The following FLOT1 variants were observed in gnomAD, a reference collection of about 807,000 sequenced individuals.
The protein encoded by FLOT1 is flotillin-1.
In FLOT1, 40 loss-of-function variants were observed where a neutral mutation model predicts 58.4. That is an observed-to-expected ratio of 0.69 (90% CI 0.53 to 0.89). FLOT1 has a LOEUF of 0.89. Ranked by LOEUF, FLOT1 falls within the 40% of genes least tolerant of loss-of-function variation. The probability of loss-of-function intolerance (pLI) is 0.00; values close to 1 mark genes in which losing one functional copy is unlikely to be tolerated. For missense variants in FLOT1, 423 were observed against 540.8 expected (o/e 0.78, Z 2.16); for synonymous variants, 178 against 204.2 (o/e 0.87, Z 1.09).
In FLOT1 at chr6:30,741,576, G is replaced by A. The variant is rs757383948; in HGVS notation, c.210+38C>T. 6.8e-7 allele frequency: 1 copy of A among 1,470,842 alleles called. No homozygotes were observed. The highest frequency in any genetic ancestry group is 9.5e-7 in the Non-Finnish European group (1 of 1,051,016). 91.1% of individuals were successfully genotyped at this position (1,470,842 alleles called of 1,614,324 possible). A position where few individuals can be genotyped will look rare whatever the true frequency, so the allele number is the denominator to read the frequency against. On this transcript the variant is annotated intron_variant, in intron 4 of 12. Transcript: ENST00000376389. The surrounding 1 kb of genome is among the most constrained non-coding windows in gnomAD (Gnocchi z 5.9). ...TAATGTCTGGGAGAGAGGGTGATGG[G>A]GAAGTGGACTGTGGGGAAAAGGCTC...
chr6:30,728,145 C>A lies in FLOT1; in HGVS notation c.1255G>T (p.Val419Leu), dbSNP rs767460998. The change falls in exon 13 of 13, where the codon GTG becomes TTG. Residue 419 changes from valine (V) to leucine (L), a missense_variant and splice_region_variant. Physicochemically the swap from Val to Leu is conservative, Grantham distance 32. This residue lies in a region of FLOT1 where 44 missense variants were observed against 40.3 expected (regional missense o/e 1.09). Coordinates refer to ENST00000376389, the MANE Select transcript of FLOT1 (RefSeq NM_005803.4). ...ERLTGVSISQ[V>L]NHKPLRTA ...GCTGTTCTCAAAGGCTTGTGATTCA[C>A]CTGGCAAAAAGACAACAGTAGATGA... The A allele has an allele frequency of 7.3e-5, 117 of 1,612,796 alleles. No individual in the cohort carries two copies. The highest frequency in any genetic ancestry group is 9.6e-5 in the Non-Finnish European group (113 of 1,179,944).
At chr6:30,739,868 C>T (rs1777841433) in intron 8 of FLOT1, among the ~76,000 whole-genome samples, 1 of 149,968 alleles carries the variant, frequency 6.7e-6, no homozygotes, top group Admixed American at 6.7e-5. Context: ...CACCATGTTG[C>T]CCAGGCTGGC....
chr6:30,728,197 G>A, intron 12 of FLOT1, 52 bp from the exon 13 acceptor site: 1 of 1,543,762 alleles, frequency 6.5e-7, no homozygotes, highest in Non-Finnish European at 8.9e-7. Flanking sequence ...GGAGGCTGAG[G>A]CCCCTACTCT....
chr6:30,731,479 C>G (rs1362493062), intron 8 of FLOT1, among the ~76,000 whole-genome samples: 2 of 118,758 alleles, frequency 1.7e-5, no homozygotes, highest in Non-Finnish European at 3.3e-5. Context: ...AGTAAGACTC[C>G]ATCTCCAAAA....
rs1331584435 is a variant in FLOT1 at position 30,730,486 on chromosome 6, G to A, written c.1031C>T (p.Ala344Val). ...EAEQMAKKAE[A>V]FQLYQEAAQL... Reference sequence around the variant, plus strand: ...AGCAGCCTCTTGGTACAGCTGGAAGGCTTCTGCCTTCTTGGCCATCTGCTC... The same window carrying A: ...AGCAGCCTCTTGGTACAGCTGGAAGACTTCTGCCTTCTTGGCCATCTGCTC... The change falls in exon 11 of 13, where the codon GCC (alanine) becomes GTC (valine). Residue 344 changes from alanine (A) to valine (V), a missense_variant. Transcript: ENST00000376389. 1 of 1,609,148 alleles carries A rather than the reference G, an allele frequency of 6.2e-7. No individual in the cohort carries two copies. Among genetic ancestry groups the A allele is most frequent in the Non-Finnish European group, 8.5e-7 (1 of 1,176,428 alleles).
Position 30,737,258 on chromosome 6 carries a change from A to ATCCGTCCG in FLOT1, c.723+2899_723+2900insCGGACGGA, listed in dbSNP as rs1350145066. Among the ~76,000 whole-genome samples, 6 of 151,186 alleles carry ATCCGTCCG rather than the reference A, an allele frequency of 4.0e-5. No homozygotes were observed. The East Asian group carries it at 1.2e-3, about 30-fold the overall frequency. ...CGTCCGTCCGTCCGTCCATCCGTCC[A>ATCCGTCCG]TCCATCCATCCATATATCTATCTTA... On this transcript the variant is annotated intron_variant, in intron 8 of 12. Coordinates refer to ENST00000376389, the MANE Select transcript of FLOT1 (RefSeq NM_005803.4). This position sits in a 1 kb window ranked among gnomAD's most constrained non-coding sequence, Gnocchi z 4.4.
In FLOT1 at chr6:30,736,892, C is replaced by G. The variant is rs567459964; in HGVS notation, c.723+3266G>C. Among the ~76,000 whole-genome samples the G allele has an allele frequency of 4.5e-3, 690 of 151,946 alleles. 3 individuals carry two copies. The highest frequency in any genetic ancestry group is 0.015 in the African/African-American group (641 of 41,464). ...ACAGGTGTGAACCACCGCACCCGGC[C>G]TTGCTTCCTCTCTTTGCCCGTTCTC... is the stretch of plus-strand genomic sequence containing the variant. On this transcript the variant is annotated intron_variant, in intron 8 of 12. Coordinates refer to ENST00000376389, the MANE Select transcript of FLOT1 (RefSeq NM_005803.4).
chr6:30,740,404 A>G, intron 7 of FLOT1, 92 bp downstream of exon 7: 1 of 1,590,064 alleles, frequency 6.3e-7, no homozygotes. Context: ...TTTCTGCCTC[A>G]TGTATTTTCC....
At chr6:30,740,367 G>A in intron 7 of FLOT1, 57 bp from the exon 8 acceptor site, 1 of 1,601,654 alleles carries the variant, frequency 6.2e-7, no homozygotes, top group Non-Finnish European at 8.5e-7. Context: ...AGGCCACGGT[G>A]ACAGCCTGCT....
Position 30,730,722 on chromosome 6 carries a change from T to C in FLOT1, c.911A>G (p.Gln304Arg), listed in dbSNP as rs1244431100. 1.2e-6 allele frequency: 2 copies of C among 1,613,112 alleles called. No homozygotes were observed. Among genetic ancestry groups the C allele is most frequent in the Non-Finnish European group, 8.5e-7 (1 of 1,180,042 alleles). Residue 304 changes from glutamine to arginine, a missense_variant, in exon 10 of 13, where the codon CAA becomes CGA. Physicochemically the swap from Gln to Arg is conservative, Grantham distance 43 (BLOSUM62 1). Coordinates refer to ENST00000376389, the MANE Select transcript of FLOT1 (RefSeq NM_005803.4). ...TTCTGCCTCCGCCTGCATAATTAGT[T>C]GGGACCTGTGGACAGAAGGGAAGTG... ...LERLAEAEKS[Q>R]LIMQAEAEAA... is the part of the protein sequence containing the mutation.
At position 30,741,792 on chromosome 6, in the gene FLOT1, C is replaced by G. The variant is rs1161296726; in HGVS notation, c.119G>C (p.Arg40Thr). The change falls in exon 3 of 13, where the codon AGG (arginine) becomes ACG (threonine). Residue 40 changes from arginine to threonine, a missense_variant and splice_region_variant. Transcript: ENST00000376389. The surrounding 1 kb of genome is among the most constrained non-coding windows in gnomAD (Gnocchi z 5.9). ...CTTCCCTGGTTCCCTTCTTGCCTACCTCTGGATCTGTTGGATGCAGGGCAG... is the reference window on the plus strand; with the variant it reads ...CTTCCCTGGTTCCCTTCTTGCCTACGTCTGGATCTGTTGGATGCAGGGCAG... ...FVLPCIQQIQRISLNTLTLNV... is the reference protein window; with the variant it reads ...FVLPCIQQIQTISLNTLTLNV... The G allele has an allele frequency of 6.2e-7, 1 of 1,612,948 alleles. No homozygotes were observed. The highest frequency in any genetic ancestry group is 8.5e-7 in the Non-Finnish European group (1 of 1,180,014).
intron 8 of FLOT1, among the ~76,000 whole-genome samples, chr6:30,733,752 A>AG (rs1218953251): frequency 8.0e-6 from 1 of 124,732 alleles, no homozygotes; most frequent in East Asian, 2.5e-4. Context: ...AAAAAAAAAA[A>AG]AAAGAAAAGA....
rs1777969347 is a variant in FLOT1 at position 30,741,413 on chromosome 6, C to T, written c.211-80G>A. 4.5e-6 allele frequency: 7 copies of T among 1,557,526 alleles called. No individual in the cohort carries two copies. The highest frequency in any genetic ancestry group is 1.4e-5 in the African/African-American group (1 of 73,494). On this transcript the variant is annotated intron_variant, in intron 4 of 12. Transcript: ENST00000376389. This position sits in a 1 kb window ranked among gnomAD's most constrained non-coding sequence, Gnocchi z 5.9. ...AAAAAGCAGAGAGAGAAGGGAGAGC[C>T]CTCTAAGAAATGCTTCTTCCATTTC...
chr6:30,729,910 A>C, intron 12 of FLOT1, 112 bp downstream of exon 12: 1 of 928,454 alleles, frequency 1.1e-6, no homozygotes, highest in Admixed American at 2.1e-5. Context: ...ACAGAAAGTG[A>C]TTAATAAACA....
At position 30,740,594 on chromosome 6, in the gene FLOT1, G is replaced by A; in HGVS notation, c.475-3C>T. 6.2e-7 allele frequency: 1 copy of A among 1,613,002 alleles called. No homozygotes were observed. Among genetic ancestry groups the A allele is most frequent in the Non-Finnish European group, 8.5e-7 (1 of 1,179,988 alleles). ...TTCCCCAAAGAGTGCAAATAGTCCT[G>A]TGGGAGAGATGTAGAAATTAGTCCT... On this transcript the variant is annotated splice_polypyrimidine_tract_variant and splice_region_variant and intron_variant, in intron 6 of 12. Coordinates refer to ENST00000376389, the MANE Select transcript of FLOT1 (RefSeq NM_005803.4).
chr6:30,730,501 G>A lies in FLOT1; in HGVS notation c.1016C>T (p.Ala339Val), dbSNP rs1344855033. The A allele has an allele frequency of 1.2e-6, 2 of 1,610,318 alleles. No homozygotes were observed. Among genetic ancestry groups the A allele is most frequent in the East Asian group, 2.2e-5 (1 of 44,816 alleles). ...CAGCTGGAAGGCTTCTGCCTTCTTG[G>A]CCATCTGCTCAGCCTCGGCTCGGGC... is the stretch of plus-strand genomic sequence containing the variant. ...ARARAEAEQMAKKAEAFQLYQ... is the reference protein window; with the variant it reads ...ARARAEAEQMVKKAEAFQLYQ... Residue 339 changes from alanine to valine, a missense_variant, in exon 11 of 13, where the codon GCC becomes GTC. Around this residue, in one of 6 missense-constraint regions of FLOT1, gnomAD observed 42 missense variants for 74.4 expected, o/e 0.56. Transcript: ENST00000376389.
chr6:30,742,264 G>T lies in FLOT1; in HGVS notation c.-14-61C>A. The T allele has an allele frequency of 6.9e-7, 1 of 1,438,952 alleles. No individual in the cohort carries two copies. Among genetic ancestry groups the T allele is most frequent in the Non-Finnish European group, 9.8e-7 (1 of 1,021,594 alleles). The allele number at this position is 1,438,952 out of a possible 1,614,324, so 89.1% of individuals were successfully genotyped here. On this transcript the variant is annotated intron_variant, in intron 1 of 12. Transcript: ENST00000376389. The surrounding 1 kb of genome is among the most constrained non-coding windows in gnomAD (Gnocchi z 5.2). ...GAAGGCGCGCTGTGGCGTCCACAGG[G>T]GCCCATCCTTTCCCTTTCCCGTCAG... is the stretch of plus-strand genomic sequence containing the variant.
intron 12 of FLOT1, 100 bp downstream of exon 12, chr6:30,729,922 C>A: frequency 9.7e-7 from 1 of 1,035,922 alleles, no homozygotes. Context: ...TAATAAACAT[C>A]AATGACTCCC....
chr6:30,736,670 T>C (rs989267978), intron 8 of FLOT1, among the ~76,000 whole-genome samples: 1 of 151,004 alleles, frequency 6.6e-6, no homozygotes, highest in Admixed American at 6.6e-5. Flanking sequence ...CTCGGCTCAC[T>C]GCAAGCTCCG....
Sources: allele counts gnomAD v4.1 joint callset (sites outside exome capture counted in the v4.1 genomes callset), GRCh38; gene constraint gnomAD v4.1.1; regional missense constraint gnomAD v4.1.1; non-coding constraint Gnocchi (gnomAD v3.1); transcripts MANE v1.5; gene names NCBI Gene and HGNC (gene_info 2026-07-23, HGNC 2026-07-21).